Variants in ECPAS observed in about 807,000 individuals in gnomAD.
ECPAS encodes Ecm29 proteasome adaptor and scaffold, also known as proteasome adapter and scaffold protein ECM29.
Under a neutral mutation model 255.1 loss-of-function variants are expected in ECPAS, and 70 were observed. That is an observed-to-expected ratio of 0.27 (90% CI 0.23 to 0.33). The LOEUF (loss-of-function observed/expected upper bound fraction) is 0.33, where lower values mean the gene tolerates loss of function less well. Among genes scored for constraint, ECPAS ranks in the 10% least tolerant of loss-of-function variants. The pLI is 1.00. For missense variants in ECPAS, 1,817 were observed against 2,206.4 expected (o/e 0.82, Z 3.54); for synonymous variants, 784 against 775.0 (o/e 1.01, Z -0.19).
intron 2 of ECPAS, among the ~76,000 whole-genome samples, chr9:111,470,840 C>T (rs1261275268): frequency 6.6e-6 from 1 of 150,734 alleles, no homozygotes; most frequent in Non-Finnish European, 1.5e-5. Flanking sequence ...GGCCAGGTGA[C>T]AAGACAGAAG....
intron 3 of ECPAS, among the ~76,000 whole-genome samples, chr9:111,446,791 A>G (rs2098253614): frequency 6.6e-6 from 1 of 152,188 alleles, no homozygotes; most frequent in Non-Finnish European, 1.5e-5. Context: ...AAGTCAAAAT[A>G]TGACTCCAGA....
intron 18 of ECPAS, 62 bp downstream of exon 18, chr9:111,416,210 G>A: frequency 1.7e-6 from 2 of 1,201,170 alleles, no homozygotes; most frequent in Non-Finnish European, 1.2e-6. Flanking sequence ...CCCCTCTTTG[G>A]GTGTGGTGTG....
chr9:111,414,236 C>T (rs898012545), intron 19 of ECPAS, among the ~76,000 whole-genome samples, 193 bp downstream of exon 19: 4 of 152,104 alleles, frequency 2.6e-5, no homozygotes, highest in Non-Finnish European at 5.9e-5. Context: ...ATGTATTTAT[C>T]TATTGTTAGC....
intron 5 of ECPAS, among the ~76,000 whole-genome samples, 195 bp from the exon 6 acceptor site, chr9:111,440,716 A>T (rs1032381984): frequency 1.3e-5 from 2 of 152,186 alleles, no homozygotes; most frequent in African/African-American, 4.8e-5. Context: ...AGCTCAGTAT[A>T]TTGAGTGATG....
In ECPAS at chr9:111,484,340, C is replaced by T. The variant is rs768617201; in HGVS notation, c.-307G>A. 1.9e-6 allele frequency: 3 copies of T among 1,607,390 alleles called. No homozygotes were observed. The highest frequency in any genetic ancestry group is 1.7e-6 in the Non-Finnish European group (2 of 1,177,864). On this transcript the variant is annotated 5_prime_UTR_variant, in exon 1 of 50. Coordinates refer to ENST00000684092, the MANE Select transcript of ECPAS (RefSeq NM_001364929.1). ...CTGCGGCTGTCACGTTGGCTGGGCC[C>T]GACCTGGGGAAACACGCCTGTCCAA...
intron 29 of ECPAS, 129 bp downstream of exon 29, chr9:111,391,627 T>C: frequency 1.6e-6 from 1 of 623,748 alleles, no homozygotes; most frequent in Non-Finnish European, 2.7e-6. Context: ...GTAAGTTTTC[T>C]TCTTCCACCA....
At position 111,414,645 on chromosome 9, in the gene ECPAS, G is replaced by A; in HGVS notation, c.1771C>T (p.Leu591=). ...FNPAAFGEIV[L]YLRMCLAHSA... ...TGCGCAAGGCACATGCGCAAGTACAGAACGATCTACAAACAGAACGGAGAG... is the reference window on the plus strand; with the variant it reads ...TGCGCAAGGCACATGCGCAAGTACAAAACGATCTACAAACAGAACGGAGAG... Residue 591 remains leucine, a synonymous_variant, in exon 19 of 50, where the codon CTG becomes TTG. Transcript: ENST00000684092. 6.2e-7 allele frequency: 1 copy of A among 1,610,370 alleles called. No individual in the cohort carries two copies. Among genetic ancestry groups the A allele is most frequent in the African/African-American group, 1.3e-5 (1 of 74,982 alleles).
chr9:111,413,042 T>A (rs553028629), intron 20 of ECPAS, among the ~76,000 whole-genome samples: 2 of 152,346 alleles, frequency 1.3e-5, no homozygotes, highest in East Asian at 3.9e-4. Flanking sequence ...GCATCCCTTT[T>A]GGTGTGGCCA....
In ECPAS at chr9:111,433,382, A is replaced by T. The variant is rs1294647523; in HGVS notation, c.709-10T>A. The T allele has an allele frequency of 6.2e-7, 1 of 1,613,760 alleles. No homozygotes were observed. Among genetic ancestry groups the T allele is most frequent in the Non-Finnish European group, 8.5e-7 (1 of 1,179,826 alleles). ...CGATTCCCAATTTGCACTGTAGATA[A>T]ATGAAGGGAAGGAGAAAGAACAGTC... On this transcript the variant is annotated splice_polypyrimidine_tract_variant and intron_variant, in intron 7 of 49. Transcript: ENST00000684092.
At chr9:111,449,022 G>A (rs567683133) in intron 3 of ECPAS, among the ~76,000 whole-genome samples, 27 of 152,084 alleles carry the variant, frequency 1.8e-4, no homozygotes, top group Non-Finnish European at 2.5e-4. Flanking sequence ...TCAAATCCTG[G>A]CCTGACCATT....
chr9:111,383,965 T>A (rs1260626962), intron 34 of ECPAS, among the ~76,000 whole-genome samples: 1 of 86,118 alleles, frequency 1.2e-5, no homozygotes, highest in Non-Finnish European at 2.5e-5. Flanking sequence ...AGTTTTGAAG[T>A]GTTATCATCA....
intron 24 of ECPAS, among the ~76,000 whole-genome samples, chr9:111,408,153 T>C (rs746460033): frequency 3.9e-4 from 59 of 152,336 alleles, no homozygotes; most frequent in Non-Finnish European, 5.7e-4. Flanking sequence ...TACAGTATCT[T>C]GGCATTTGCC....
intron 2 of ECPAS, among the ~76,000 whole-genome samples, chr9:111,463,246 T>C (rs558953773): frequency 6.6e-6 from 1 of 152,346 alleles, no homozygotes. Context: ...TCAATCCTTC[T>C]GGCTCAATTC....
intron 37 of ECPAS, among the ~76,000 whole-genome samples, chr9:111,375,405 T>TA (rs1002380755): frequency 6.6e-6 from 1 of 152,070 alleles, no homozygotes; most frequent in Non-Finnish European, 1.5e-5. Context: ...GATTCAACAC[T>TA]AAAAACAAAC....
chr9:111,378,837 T>A, intron 35 of ECPAS, 107 bp from the exon 36 acceptor site: 1 of 1,132,638 alleles, frequency 8.8e-7, no homozygotes, highest in South Asian at 2.3e-5. Flanking sequence ...AAGCATATTT[T>A]CACATGGTTG....
intron 21 of ECPAS, among the ~76,000 whole-genome samples, chr9:111,411,407 C>T (rs1033919083): frequency 6.6e-6 from 1 of 152,146 alleles, no homozygotes. Flanking sequence ...ACTCCAATTC[C>T]GGGTGAGATG....
intron 16 of ECPAS, among the ~76,000 whole-genome samples, 167 bp from the exon 17 acceptor site, chr9:111,418,173 C>A (rs1384148452): frequency 6.6e-6 from 1 of 152,140 alleles, no homozygotes; most frequent in Non-Finnish European, 1.5e-5. Context: ...TATAAGAAAT[C>A]ACTTCTTTTC....
intron 2 of ECPAS, among the ~76,000 whole-genome samples, chr9:111,458,763 A>G (rs2098269893): frequency 6.6e-6 from 1 of 152,178 alleles, no homozygotes; most frequent in Non-Finnish European, 1.5e-5. Context: ...TTCTATGATC[A>G]GCAGTGCATT....
intron 2 of ECPAS, among the ~76,000 whole-genome samples, chr9:111,472,299 C>G (rs762867788): frequency 1.4e-4 from 21 of 152,050 alleles, no homozygotes; most frequent in Admixed American, 1.4e-3. Flanking sequence ...TGGCATTCCT[C>G]GAGCATGTAA....
Sources: allele counts gnomAD v4.1 joint callset (sites outside exome capture counted in the v4.1 genomes callset), GRCh38; gene constraint gnomAD v4.1.1; transcripts MANE v1.5; gene names NCBI Gene and HGNC (gene_info 2026-07-23, HGNC 2026-07-21).